CLASP2: variants seen among roughly 807,000 people sequenced by gnomAD.
The protein encoded by CLASP2 is CLIP-associating protein 2.
Under a neutral mutation model 194.4 loss-of-function variants are expected in CLASP2, and 47 were observed. The observed-to-expected ratio is 0.24, with a 90% confidence interval of 0.19 to 0.31. The LOEUF is 0.31. Ranked by LOEUF, CLASP2 falls within the 10% of genes least tolerant of loss-of-function variation. The pLI is 1.00. For missense variants in CLASP2, 1,445 were observed against 1,823.6 expected, an observed-to-expected ratio of 0.79 and a Z score of 3.78; for synonymous variants, 619 against 633.5, an observed-to-expected ratio of 0.98 and a Z score of 0.34.
Position 33,535,356 on chromosome 3 carries a change from T to G in CLASP2, c.3664A>C (p.Thr1222Pro), listed in dbSNP as rs2057130988. 1.2e-6 allele frequency: 2 copies of G among 1,613,728 alleles called. No individual in the cohort carries two copies. Among genetic ancestry groups the G allele is most frequent in the South Asian group, 2.2e-5 (2 of 91,060 alleles). ...TCTCGAGAGCGTGGAGAGGAGTGAG[T>G]AGGCATTGAATGGAGCAATGAAGCT... ...NKASLLHSMP[T>P]HSSPRSRDYN... is the part of the protein sequence containing the mutation. Residue 1222 changes from threonine to proline, a missense_variant, in exon 34 of 39, where the codon ACT (threonine) becomes CCT (proline). Transcript: ENST00000682230.
At chr3:33,716,765 T>C (rs1437401214) in intron 1 of CLASP2, among the ~76,000 whole-genome samples, 1 of 152,206 alleles carries the variant, frequency 6.6e-6, no homozygotes, top group African/African-American at 2.4e-5. Flanking sequence ...TTATTGTCCT[T>C]GTAAAAAGTC....
At chr3:33,624,902 C>G (rs1337287548) in intron 10 of CLASP2, among the ~76,000 whole-genome samples, 1 of 151,958 alleles carries the variant, frequency 6.6e-6, no homozygotes, top group African/African-American at 2.4e-5. Flanking sequence ...CTCCCCATCA[C>G]AATGGCAAAA....
At chr3:33,535,795 A>C (rs2057212716) in intron 33 of CLASP2, among the ~76,000 whole-genome samples, 1 of 152,284 alleles carries the variant, frequency 6.6e-6, no homozygotes, top group African/African-American at 2.4e-5. Context: ...TTAAAGATAC[A>C]AAAGAACTTT....
intron 23 of CLASP2, among the ~76,000 whole-genome samples, chr3:33,580,196 G>C (rs2065735349): frequency 1.3e-5 from 2 of 152,278 alleles, no homozygotes; most frequent in South Asian, 2.1e-4. Context: ...AGCTTTAATG[G>C]GGTTTTCTAG....
At chr3:33,690,760 T>C (rs1488939411) in intron 2 of CLASP2, among the ~76,000 whole-genome samples, 5 of 152,238 alleles carry the variant, frequency 3.3e-5, no homozygotes, top group African/African-American at 1.2e-4. Context: ...GTATGGGATG[T>C]GAATCCTTCC....
intron 22 of CLASP2, among the ~76,000 whole-genome samples, chr3:33,584,236 T>A (rs544750676): frequency 3.9e-5 from 6 of 151,974 alleles, no homozygotes; most frequent in Non-Finnish European, 5.9e-5. Flanking sequence ...CTAGCTATAT[T>A]TTTCAAAGCT....
At chr3:33,563,102 T>C (rs2062059329) in intron 27 of CLASP2, among the ~76,000 whole-genome samples, 1 of 152,212 alleles carries the variant, frequency 6.6e-6, no homozygotes, top group African/African-American at 2.4e-5. Flanking sequence ...CTACTATCTT[T>C]ACTCTTTTTA....
At chr3:33,547,698 G>C (rs1205751463) in intron 30 of CLASP2, among the ~76,000 whole-genome samples, 1 of 152,024 alleles carries the variant, frequency 6.6e-6, no homozygotes, top group Non-Finnish European at 1.5e-5. Context: ...TTGGAAGAAT[G>C]TGTGAAGAAT....
At chr3:33,531,675 T>G (rs144205951) in intron 34 of CLASP2, among the ~76,000 whole-genome samples, 3 of 152,162 alleles carry the variant, frequency 2.0e-5, no homozygotes, top group African/African-American at 7.2e-5. Flanking sequence ...CTCAGCAGGC[T>G]GAGGCAGGAG....
intron 7 of CLASP2, among the ~76,000 whole-genome samples, chr3:33,656,195 C>T (rs2084179113): frequency 6.6e-6 from 1 of 152,072 alleles, no homozygotes; most frequent in Non-Finnish European, 1.5e-5. Flanking sequence ...CCAAGTTTGC[C>T]TAGAAATAAA....
intron 21 of CLASP2, among the ~76,000 whole-genome samples, chr3:33,587,774 T>C (rs879886005): frequency 6.6e-6 from 1 of 152,188 alleles, no homozygotes; most frequent in Non-Finnish European, 1.5e-5. Context: ...AAACTGAACA[T>C]ACACACCAAA....
intron 36 of CLASP2, among the ~76,000 whole-genome samples, chr3:33,512,862 C>A (rs1158258363): frequency 1.3e-5 from 2 of 151,878 alleles, no homozygotes; most frequent in East Asian, 3.9e-4. Flanking sequence ...TGGTGGCATG[C>A]ACCTGTAGTC....
chr3:33,605,664 G>A (rs2073649313), intron 16 of CLASP2, among the ~76,000 whole-genome samples: 1 of 152,074 alleles, frequency 6.6e-6, no homozygotes, highest in South Asian at 2.1e-4. Flanking sequence ...TGTTTCCCAG[G>A]CTGGAGTGCA....
intron 26 of CLASP2, 115 bp from the exon 27 acceptor site, chr3:33,566,849 A>G (rs1180439363): frequency 2.9e-6 from 1 of 344,988 alleles, no homozygotes; most frequent in Non-Finnish European, 5.7e-6. Flanking sequence ...AAAAACACTC[A>G]GAAAATAATA....
chr3:33,595,492 T>C (rs1177013232), intron 19 of CLASP2, among the ~76,000 whole-genome samples: 1 of 152,074 alleles, frequency 6.6e-6, no homozygotes, highest in African/African-American at 2.4e-5. Context: ...TCCAATTCAT[T>C]AGCTATTTAT....
chr3:33,657,146 A>G (rs552322181), intron 7 of CLASP2, among the ~76,000 whole-genome samples: 5 of 152,276 alleles, frequency 3.3e-5, no homozygotes, highest in South Asian at 2.1e-4. Flanking sequence ...AAAAAACATC[A>G]GGTAGGGGCA....
At chr3:33,688,607 A>T (rs774597045) in intron 3 of CLASP2, among the ~76,000 whole-genome samples, 1 of 152,178 alleles carries the variant, frequency 6.6e-6, no homozygotes, top group Non-Finnish European at 1.5e-5. Context: ...AGATTTTGAT[A>T]TTCTCAGAAG....
chr3:33,718,112 G>T lies in CLASP2; in HGVS notation c.-110C>A. On this transcript the variant is annotated 5_prime_UTR_variant, in exon 1 of 39. Transcript: ENST00000682230. ...GGAGCGGGCGGGACTCACTTAGCCC[G>T]CCAGGGGCGCGGCTTGCGGGGCGCA... 8.8e-7 allele frequency: 1 copy of T among 1,133,192 alleles called. No individual in the cohort carries two copies. Among genetic ancestry groups the T allele is most frequent in the Non-Finnish European group, 1.2e-6 (1 of 864,200 alleles). The allele number at this position is 1,133,192 out of a possible 1,614,324, so 70.2% of individuals were successfully genotyped here.
intron 2 of CLASP2, among the ~76,000 whole-genome samples, chr3:33,694,923 A>C (rs543176954): frequency 5.8e-4 from 88 of 152,248 alleles, no homozygotes; most frequent in African/African-American, 2.0e-3. Flanking sequence ...AGCCTGGGTG[A>C]CAGAGCAAGA....
Sources: allele counts gnomAD v4.1 joint callset (sites outside exome capture counted in the v4.1 genomes callset), GRCh38; gene constraint gnomAD v4.1.1; transcripts MANE v1.5; gene names NCBI Gene and HGNC (gene_info 2026-07-23, HGNC 2026-07-21).